ZNF784: variants seen among roughly 807,000 people sequenced by gnomAD.
ZNF784 encodes zinc finger protein 784.
In ZNF784, 5 loss-of-function variants were observed where a neutral mutation model predicts 3.3. The observed-to-expected ratio is 1.53, with a 90% confidence interval of 0.80 to 3.22. ZNF784 has a LOEUF of 3.22. Ranked by LOEUF, ZNF784 falls within the 30% of genes most tolerant of loss-of-function variation. ZNF784 has a pLI of 0.00. For synonymous variants in ZNF784, 231 were observed against 219.6 expected, an observed-to-expected ratio of 1.05 and a Z score of -0.46; for missense variants, 501 against 480.7, an observed-to-expected ratio of 1.04 and a Z score of -0.39.
At position 55,622,381 on chromosome 19, in the gene ZNF784, G is replaced by A. The variant is rs1427310218; in HGVS notation, c.342C>T (p.Ala114=). 6.5e-7 allele frequency: 1 copy of A among 1,545,644 alleles called. No individual in the cohort carries two copies. The highest frequency in any genetic ancestry group is 1.4e-5 in the African/African-American group (1 of 73,132). Residue 114 remains alanine, a synonymous_variant, in exon 2 of 2, where the codon GCC becomes GCT. Coordinates refer to ENST00000325351, the MANE Select transcript of ZNF784 (RefSeq NM_203374.2). The surrounding 1 kb of genome is among the most constrained non-coding windows in gnomAD (Gnocchi z 5.9). Reference sequence around the variant, plus strand: ...GCAAGCTGTAGTGCGCGCGCAGGCTGGCGGGGCCCGGGCAGCTGTGGCCGC... The same window carrying A: ...GCAAGCTGTAGTGCGCGCGCAGGCTAGCGGGGCCCGGGCAGCTGTGGCCGC... ...HVCGHSCPGP[A]SLRAHYSLHT... is the part of the protein sequence containing the mutation.
In ZNF784 at chr19:55,622,036, G is replaced by C; in HGVS notation, c.687C>G (p.Cys229Trp). ...TGERPYHCGI[C>W]GKGFTQSSVL... ...CCGAGGACTGGGTGAAGCCCTTGCC[G>C]CAGATGCCGCAATGGTATGGCCGCT... The change falls in exon 2 of 2, where the codon TGC (cysteine) becomes TGG (tryptophan). Residue 229 changes from cysteine to tryptophan, a missense_variant. Physicochemically the swap from Cys to Trp is radical, Grantham distance 215 (BLOSUM62 -2). Coordinates refer to ENST00000325351, the MANE Select transcript of ZNF784 (RefSeq NM_203374.2). This position sits in a 1 kb window ranked among gnomAD's most constrained non-coding sequence, Gnocchi z 5.9. The C allele has an allele frequency of 6.3e-7, 1 of 1,591,968 alleles. No individual in the cohort carries two copies.
Position 55,621,890 on chromosome 19 carries a change from G to T in ZNF784, c.833C>A (p.Pro278Gln). 1 of 1,510,114 alleles carries T rather than the reference G, an allele frequency of 6.6e-7. No homozygotes were observed. 93.5% of individuals were successfully genotyped at this position (1,510,114 alleles called of 1,614,324 possible). A position where few individuals can be genotyped will look rare whatever the true frequency, so the allele number is the denominator to read the frequency against. The change falls in exon 2 of 2, where the codon CCG (proline) becomes CAG (glutamine). Residue 278 changes from proline to glutamine, a missense_variant. Physicochemically the swap from Pro to Gln is moderately conservative, Grantham distance 76. Transcript: ENST00000325351. The surrounding 1 kb of genome is among the most constrained non-coding windows in gnomAD (Gnocchi z 4.1). ...RKHQRTHFHGPGPGLGDSGGQ... is the reference protein window; with the variant it reads ...RKHQRTHFHGQGPGLGDSGGQ... ...TCCAGAGTCTCCCAGCCCCGGCCCC[G>T]GCCCGTGGAAGTGGGTGCGCTGGTG...
intron 1 of ZNF784, among the ~76,000 whole-genome samples, chr19:55,623,628 T>G (rs183152967): frequency 6.6e-6 from 1 of 152,364 alleles, no homozygotes; most frequent in African/African-American, 2.4e-5. Flanking sequence ...TCTGTGGCGA[T>G]GTAGCTCCAC....
chr19:55,624,180 T>G (rs562084231), intron 1 of ZNF784, among the ~76,000 whole-genome samples: 1 of 151,784 alleles, frequency 6.6e-6, no homozygotes, highest in East Asian at 1.9e-4. Context: ...ATTATGCAAA[T>G]TATCCCTGGT....
In ZNF784 at chr19:55,622,440, C is replaced by T. The variant is rs750608560; in HGVS notation, c.283G>A (p.Gly95Arg). The T allele has an allele frequency of 2.5e-5, 40 of 1,600,528 alleles. No individual in the cohort carries two copies. Among genetic ancestry groups the T allele is most frequent in the Non-Finnish European group, 3.2e-5 (37 of 1,174,120 alleles). Residue 95 changes from glycine (G) to arginine (R), a missense_variant, in exon 2 of 2, where the codon GGG (glycine) becomes AGG (arginine). Transcript: ENST00000325351. The surrounding 1 kb of genome is among the most constrained non-coding windows in gnomAD (Gnocchi z 5.9). ...HGHLAGAEGG[G>R]QGGDPSRCHV... ...CACCGGCTCGGGTCCCCACCCTGCC[C>T]GCCTCCCTCGGCCCCAGCCAAGTGG...
At position 55,620,960 on chromosome 19, in the gene ZNF784, C is replaced by A. The variant is rs768125116; in HGVS notation, c.*791G>T. On this transcript the variant is annotated 3_prime_UTR_variant, in exon 2 of 2. Coordinates refer to ENST00000325351, the MANE Select transcript of ZNF784 (RefSeq NM_203374.2). ...AGGAAATTAGAGAAACCTGAGGCTA[C>A]CTTGAGGCTTGTGGGGGACCCTGGG... The A allele has an allele frequency of 6.6e-6, 1 of 152,578 alleles. No individual in the cohort carries two copies. Among genetic ancestry groups the A allele is most frequent in the Admixed American group, 6.5e-5 (1 of 15,274 alleles). The allele number at this position is 152,578 out of a possible 1,614,324, so 9.5% of individuals were successfully genotyped here.
Position 55,621,719 on chromosome 19 carries a change from G to T in ZNF784, c.*32C>A. The T allele has an allele frequency of 1.4e-6, 2 of 1,429,028 alleles. No homozygotes were observed. Among genetic ancestry groups the T allele is most frequent in the African/African-American group, 3.1e-5 (2 of 64,954 alleles). The allele number at this position is 1,429,028 out of a possible 1,614,324, so 88.5% of individuals were successfully genotyped here. ...CTCCCCGGGTCGGCCTCGTACCTCCGCCTTAACTAACCCATGTCCCTGGTC... is the reference window on the plus strand; with the variant it reads ...CTCCCCGGGTCGGCCTCGTACCTCCTCCTTAACTAACCCATGTCCCTGGTC... On this transcript the variant is annotated 3_prime_UTR_variant, in exon 2 of 2. Coordinates refer to ENST00000325351, the MANE Select transcript of ZNF784 (RefSeq NM_203374.2). This position sits in a 1 kb window ranked among gnomAD's most constrained non-coding sequence, Gnocchi z 4.1.
In ZNF784 at chr19:55,621,791, C is replaced by A; in HGVS notation, c.932G>T (p.Arg311Leu). The A allele has an allele frequency of 2.5e-6, 4 of 1,596,740 alleles. No homozygotes were observed. Among genetic ancestry groups the A allele is most frequent in the Non-Finnish European group, 3.4e-6 (4 of 1,179,480 alleles). The change falls in exon 2 of 2, where the codon CGG becomes CTG. Residue 311 changes from arginine to leucine, a missense_variant. Arg to Leu is a moderately radical substitution (Grantham distance 102). Transcript: ENST00000325351. The surrounding 1 kb of genome is among the most constrained non-coding windows in gnomAD (Gnocchi z 4.1). ...CACCTTCACCTTCGCGGTCTCCCCC[C>A]GCCCCTCCTCCGCAGGGTCCCCTAC... is the stretch of plus-strand genomic sequence containing the variant. ...CGVGDPAEEG[R>L]GETAKVKVEA...
Position 55,621,651 on chromosome 19 carries a change from T to C in ZNF784, c.*100A>G. 2 of 1,413,504 alleles carry C rather than the reference T, an allele frequency of 1.4e-6. No homozygotes were observed. The highest frequency in any genetic ancestry group is 2.0e-5 in the Admixed American group (1 of 48,808). The allele number at this position is 1,413,504 out of a possible 1,614,324, so 87.6% of individuals were successfully genotyped here. Reference sequence around the variant, plus strand: ...TGCAGCTGTCATCTCTCCCCCAATCTCCCCTCTTCTGTCCCCTGCCTCCGT... The same window carrying C: ...TGCAGCTGTCATCTCTCCCCCAATCCCCCCTCTTCTGTCCCCTGCCTCCGT... On this transcript the variant is annotated 3_prime_UTR_variant, in exon 2 of 2. Transcript: ENST00000325351. This position sits in a 1 kb window ranked among gnomAD's most constrained non-coding sequence, Gnocchi z 4.1.
Position 55,622,120 on chromosome 19 carries a change from G to A in ZNF784, c.603C>T (p.Cys201=), listed in dbSNP as rs760242625. Residue 201 remains cysteine, a synonymous_variant, in exon 2 of 2, where the codon TGC becomes TGT. Transcript: ENST00000325351. The surrounding 1 kb of genome is among the most constrained non-coding windows in gnomAD (Gnocchi z 5.9). ...CTGAGGAGCGGCGGAAGGGCTTGGCGCAGAACCTGCAGGCAAAAGGCTTCC... is the reference window on the plus strand; with the variant it reads ...CTGAGGAGCGGCGGAAGGGCTTGGCACAGAACCTGCAGGCAAAAGGCTTCC... ...AVGKPFACRF[C]AKPFRRSSDM... is the part of the protein sequence containing the mutation. 32 of 1,549,316 alleles carry A rather than the reference G, an allele frequency of 2.1e-5. No homozygotes were observed. Among genetic ancestry groups the A allele is most frequent in the Non-Finnish European group, 2.4e-5 (28 of 1,154,398 alleles).
In ZNF784 at chr19:55,622,649, G is replaced by A. The variant is rs772909523; in HGVS notation, c.79-5C>T. The A allele has an allele frequency of 1.3e-6, 2 of 1,534,042 alleles. No homozygotes were observed. The highest frequency in any genetic ancestry group is 2.5e-5 in the South Asian group (2 of 80,306). The stretch of plus-strand genomic sequence containing the variant: ...GCAGTCATCAGGCACCAGGACCTGG[G>A]CAAGAGGAGAAGAAAGAGGAGCCTG... On this transcript the variant is annotated splice_region_variant and splice_polypyrimidine_tract_variant and intron_variant, in intron 1 of 1. Transcript: ENST00000325351. The surrounding 1 kb of genome is among the most constrained non-coding windows in gnomAD (Gnocchi z 5.9).
Position 55,621,985 on chromosome 19 carries a change from G to A in ZNF784, c.738C>T (p.His246=). ...SSVLSGHARI[H]TGERPFRCTL... Reference sequence around the variant, plus strand: ...TGCAGCGGAACGGGCGCTCGCCAGTGTGGATGCGGGCGTGGCCGCTAAGCA... The same window carrying A: ...TGCAGCGGAACGGGCGCTCGCCAGTATGGATGCGGGCGTGGCCGCTAAGCA... The change falls in exon 2 of 2, where the codon CAC becomes CAT. Residue 246 remains histidine, a synonymous_variant. Coordinates refer to ENST00000325351, the MANE Select transcript of ZNF784 (RefSeq NM_203374.2). This position sits in a 1 kb window ranked among gnomAD's most constrained non-coding sequence, Gnocchi z 4.1. 6.3e-7 allele frequency: 1 copy of A among 1,595,192 alleles called. No individual in the cohort carries two copies. Among genetic ancestry groups the A allele is most frequent in the Non-Finnish European group, 8.5e-7 (1 of 1,178,116 alleles).
Position 55,622,352 on chromosome 19 carries a change from G to A in ZNF784, c.371C>T (p.Thr124Met), listed in dbSNP as rs1349931607. 7.2e-6 allele frequency: 11 copies of A among 1,520,244 alleles called. No homozygotes were observed. The South Asian group carries it at 8.8e-5, about 12-fold the overall frequency. The allele number at this position is 1,520,244 out of a possible 1,614,324, so 94.2% of individuals were successfully genotyped here. ...ASLRAHYSLH[T>M]GERPYRCALC... ...CGCGCAGCGGTAGGGCCGCTCCCCC[G>A]TGTGCAAGCTGTAGTGCGCGCGCAG... Residue 124 changes from threonine (T) to methionine (M), a missense_variant, in exon 2 of 2, where the codon ACG becomes ATG. Coordinates refer to ENST00000325351, the MANE Select transcript of ZNF784 (RefSeq NM_203374.2). This position sits in a 1 kb window ranked among gnomAD's most constrained non-coding sequence, Gnocchi z 5.9.
In ZNF784 at chr19:55,621,760, G is replaced by A. The variant is rs764128844; in HGVS notation, c.963C>T (p.Ala321=). The change falls in exon 2 of 2, where the codon GCC becomes GCT. Residue 321 remains alanine (A), a synonymous_variant. Transcript: ENST00000325351. This position sits in a 1 kb window ranked among gnomAD's most constrained non-coding sequence, Gnocchi z 4.1. ...GTCCCTGGTCTGCAGCCTACTGGTC[G>A]GCCTCCACCTTCACCTTCGCGGTCT... The part of the protein sequence containing the change: ...RGETAKVKVE[A]DQ 23 of 1,596,700 alleles carry A rather than the reference G, an allele frequency of 1.4e-5. 1 individual carries two copies. In the East Asian group the frequency reaches 3.1e-4, roughly 22 times the overall value.
At position 55,622,410 on chromosome 19, in the gene ZNF784, C is replaced by T; in HGVS notation, c.313G>A (p.Val105Met). ...GGGCCCGGGCAGCTGTGGCCGCACA[C>T]GTGGCACCGGCTCGGGTCCCCACCC... ...GQGGDPSRCH[V>M]CGHSCPGPAS... Residue 105 changes from valine (V) to methionine (M), a missense_variant, in exon 2 of 2, where the codon GTG becomes ATG. Coordinates refer to ENST00000325351, the MANE Select transcript of ZNF784 (RefSeq NM_203374.2). The surrounding 1 kb of genome is among the most constrained non-coding windows in gnomAD (Gnocchi z 5.9). The T allele has an allele frequency of 6.3e-7, 1 of 1,576,880 alleles. No individual in the cohort carries two copies. Among genetic ancestry groups the T allele is most frequent in the South Asian group, 1.2e-5 (1 of 86,046 alleles).
rs1175762589 is a variant in ZNF784 at position 55,621,160 on chromosome 19, C to T, written c.*591G>A. 1 of 161,878 alleles carries T rather than the reference C, an allele frequency of 6.2e-6. No individual in the cohort carries two copies. The highest frequency in any genetic ancestry group is 1.9e-4 in the East Asian group (1 of 5,352). 10.0% of individuals were successfully genotyped at this position (161,878 alleles called of 1,614,324 possible). ...CTTACATCCTTGAGGCTCAAGTGCT[C>T]TCAGCGGTGACTTGGGGACCCTCTG... On this transcript the variant is annotated 3_prime_UTR_variant, in exon 2 of 2. Coordinates refer to ENST00000325351, the MANE Select transcript of ZNF784 (RefSeq NM_203374.2). The surrounding 1 kb of genome is among the most constrained non-coding windows in gnomAD (Gnocchi z 4.1).
chr19:55,623,596 A>T (rs1296220273), intron 1 of ZNF784, among the ~76,000 whole-genome samples: 2 of 152,230 alleles, frequency 1.3e-5, no homozygotes, highest in African/African-American at 2.4e-5. Context: ...CAAATGACTT[A>T]TCCCAAATCG....
Position 55,621,514 on chromosome 19 carries a change from GAGCTGCAC to G in ZNF784, c.*229_*236del. On this transcript the variant is annotated 3_prime_UTR_variant, in exon 2 of 2. Transcript: ENST00000325351. This position sits in a 1 kb window ranked among gnomAD's most constrained non-coding sequence, Gnocchi z 4.1. ...TGGCCGCACACCCGCAGAGCTGCAA[GAGCTGCAC>G]CTGTCCTCTCCTAGGCCTGGCAGAG... 1 of 615,344 alleles carries G rather than the reference GAGCTGCAC, an allele frequency of 1.6e-6. No homozygotes were observed. The highest frequency in any genetic ancestry group is 2.8e-6 in the Non-Finnish European group (1 of 353,778). 38.1% of individuals were successfully genotyped at this position (615,344 alleles called of 1,614,324 possible). A position where few individuals can be genotyped will look rare whatever the true frequency, so the allele number is the denominator to read the frequency against.
rs1981597869 is a variant in ZNF784, at chr19:55,622,348, C to A, written c.375G>T (p.Gly125=). 2 of 1,516,782 alleles carry A rather than the reference C, an allele frequency of 1.3e-6. No homozygotes were observed. Among genetic ancestry groups the A allele is most frequent in the African/African-American group, 1.4e-5 (1 of 71,958 alleles). The allele number at this position is 1,516,782 out of a possible 1,614,324, so 94.0% of individuals were successfully genotyped here. A position where few individuals can be genotyped will look rare whatever the true frequency, so the allele number is the denominator to read the frequency against. ...SLRAHYSLHT[G]ERPYRCALCP... ...AGAGCGCGCAGCGGTAGGGCCGCTCCCCCGTGTGCAAGCTGTAGTGCGCGC... is the reference window on the plus strand; with the variant it reads ...AGAGCGCGCAGCGGTAGGGCCGCTCACCCGTGTGCAAGCTGTAGTGCGCGC... Residue 125 remains glycine, a synonymous_variant, in exon 2 of 2, where the codon GGG becomes GGT. Coordinates refer to ENST00000325351, the MANE Select transcript of ZNF784 (RefSeq NM_203374.2). The surrounding 1 kb of genome is among the most constrained non-coding windows in gnomAD (Gnocchi z 5.9).
Sources: gnomAD v4.1 joint callset for allele counts (sites outside exome capture counted in the v4.1 genomes callset) on GRCh38, gnomAD v4.1.1 for gene constraint, Gnocchi (gnomAD v3.1) non-coding constraint, MANE v1.5 for transcripts, NCBI Gene and HGNC (gene_info 2026-07-23, HGNC 2026-07-21) for gene names.